LPAR1: variants seen among roughly 807,000 people sequenced by gnomAD.
The protein encoded by LPAR1 is LPA receptor 1.
Under a neutral mutation model 23.8 loss-of-function variants are expected in LPAR1, and 5 were observed. That is an observed-to-expected ratio of 0.21 (90% CI 0.11 to 0.44). LPAR1 has a LOEUF of 0.44. Among genes scored for constraint, LPAR1 ranks in the 20% least tolerant of loss-of-function variants. LPAR1 has a pLI of 0.99. For synonymous variants in LPAR1, 160 were observed against 164.7 expected (o/e 0.97, Z 0.22); for missense variants, 311 against 482.8 (o/e 0.64, Z 3.33).
At chr9:110,878,520 T>G (rs2044083033) in intron 5 of LPAR1, among the ~76,000 whole-genome samples, 1 of 152,248 alleles carries the variant, frequency 6.6e-6, no homozygotes, top group East Asian at 1.9e-4. Context: ...TTCAATCAGG[T>G]TACAGGACTT....
rs1203852305 is a variant in LPAR1 at position 110,926,350 on chromosome 9, AG to A, written c.793+15070del. Among the ~76,000 whole-genome samples, 3 of 152,238 alleles carry A rather than the reference AG, an allele frequency of 2.0e-5. No homozygotes were observed. In the East Asian group the frequency reaches 5.8e-4, roughly 29 times the overall value. On this transcript the variant is annotated intron_variant, in intron 5 of 5. Transcript: ENST00000683809. ...GATTGATTTACCCTTTTTCTACAAA[AG>A]TTTCCATGCAGACACATACAATTGT...
intron 2 of LPAR1, among the ~76,000 whole-genome samples, chr9:111,024,555 CACACACATATAT>C (rs2097648461): frequency 2.9e-5 from 1 of 34,028 alleles, no homozygotes; most frequent in Non-Finnish European, 6.9e-5. Context: ...TATATATATA[CACACACATATAT>C]ATACACACAC....
intron 2 of LPAR1, among the ~76,000 whole-genome samples, chr9:110,987,567 G>T (rs982351236): frequency 6.6e-6 from 1 of 151,302 alleles, no homozygotes; most frequent in Non-Finnish European, 1.5e-5. Context: ...AAACTCTTTC[G>T]CTATTGCAAG....
chr9:110,982,790 C>A (rs1016827202), intron 2 of LPAR1, among the ~76,000 whole-genome samples: 1 of 150,532 alleles, frequency 6.6e-6, no homozygotes, highest in Admixed American at 6.7e-5. Context: ...TCAAAAACAA[C>A]AAACCAACAA....
At chr9:111,002,205 C>T (rs376190971) in intron 2 of LPAR1, among the ~76,000 whole-genome samples, 4 of 152,114 alleles carry the variant, frequency 2.6e-5, no homozygotes, top group Non-Finnish European at 5.9e-5. Context: ...ATAACAACTA[C>T]GCAGGAACAT....
intron 2 of LPAR1, among the ~76,000 whole-genome samples, chr9:110,986,693 G>A (rs1459437197): frequency 1.3e-5 from 2 of 151,770 alleles, no homozygotes; most frequent in African/African-American, 4.9e-5. Flanking sequence ...TGGAAACAAA[G>A]TGTCGAAATA....
intron 2 of LPAR1, among the ~76,000 whole-genome samples, chr9:111,035,791 TTC>T (rs1564401723): frequency 1.3e-5 from 2 of 152,264 alleles, no homozygotes; most frequent in East Asian, 3.9e-4. Flanking sequence ...ATTCTGAAAG[TTC>T]TGTTATCTGC....
intron 5 of LPAR1, among the ~76,000 whole-genome samples, chr9:110,884,045 C>A (rs75542737): frequency 0.018 from 2,702 of 150,282 alleles, 35 homozygotes; most frequent in Non-Finnish European, 0.028. Flanking sequence ...ACACTGTCTT[C>A]TAGTATTTAG....
intron 5 of LPAR1, among the ~76,000 whole-genome samples, chr9:110,924,165 A>G (rs902588391): frequency 6.6e-6 from 1 of 152,068 alleles, no homozygotes; most frequent in Non-Finnish European, 1.5e-5. Context: ...ACATTTAACA[A>G]TAAGTCATTA....
chr9:111,000,054 C>T (rs1442456045), intron 2 of LPAR1, among the ~76,000 whole-genome samples: 5 of 152,074 alleles, frequency 3.3e-5, no homozygotes, highest in African/African-American at 9.7e-5. Flanking sequence ...TTCATGAGGG[C>T]GGAGCCCTTA....
chr9:110,940,719 A>G (rs943193075), intron 5 of LPAR1, among the ~76,000 whole-genome samples: 4 of 152,240 alleles, frequency 2.6e-5, no homozygotes, highest in African/African-American at 7.2e-5. Context: ...TTCTACACAC[A>G]TAAGTGAATA....
At chr9:110,925,140 T>C (rs1190757592) in intron 5 of LPAR1, among the ~76,000 whole-genome samples, 2 of 152,106 alleles carry the variant, frequency 1.3e-5, no homozygotes, top group African/African-American at 4.8e-5. Context: ...ATAGTTGCAG[T>C]GCTCTTTATG....
At chr9:110,875,859 T>A in intron 5 of LPAR1, 137 bp from the exon 6 acceptor site, 1 of 476,058 alleles carries the variant, frequency 2.1e-6, no homozygotes. Context: ...TTGTCGCAAA[T>A]GAAATACTCA....
intron 5 of LPAR1, among the ~76,000 whole-genome samples, chr9:110,889,170 G>C (rs1205832938): frequency 6.6e-6 from 1 of 152,102 alleles, no homozygotes; most frequent in African/African-American, 2.4e-5. Flanking sequence ...GACCATCCTG[G>C]CTAACAAGGT....
At chr9:110,991,578 TTTTG>T (rs1554724286) in intron 2 of LPAR1, among the ~76,000 whole-genome samples, 1 of 68,894 alleles carries the variant, frequency 1.5e-5, no homozygotes, top group African/African-American at 5.4e-5. Flanking sequence ...TTCTGGTTTG[TTTTG>T]TTGTTGTTGT....
chr9:110,943,266 T>C lies in LPAR1; in HGVS notation c.46-1098A>G, dbSNP rs553723187. 5.9e-5 allele frequency among the ~76,000 whole-genome samples: 9 copies of C among 151,514 alleles called. No homozygotes were observed. In the East Asian group the frequency reaches 1.2e-3, roughly 20 times the overall value. On this transcript the variant is annotated intron_variant, in intron 4 of 5. Transcript: ENST00000683809. ...GGGACCCCTAAAATTAAAAAATATATCTTGAAGACGGTTCACATTCTACTT... is the reference window on the plus strand; with the variant it reads ...GGGACCCCTAAAATTAAAAAATATACCTTGAAGACGGTTCACATTCTACTT...
At chr9:110,952,387 A>C (rs888089581) in intron 4 of LPAR1, among the ~76,000 whole-genome samples, 1 of 151,430 alleles carries the variant, frequency 6.6e-6, no homozygotes, top group Non-Finnish European at 1.5e-5. Context: ...GCCAATTCCC[A>C]CCTTCCCCCT....
chr9:110,880,859 G>A (rs572736627), intron 5 of LPAR1, among the ~76,000 whole-genome samples: 19 of 152,288 alleles, frequency 1.2e-4, no homozygotes, highest in African/African-American at 4.6e-4. Flanking sequence ...GTTCATCTCT[G>A]TAGTTACGTT....
chr9:110,900,970 G>T (rs1209274259), intron 5 of LPAR1, among the ~76,000 whole-genome samples: 1 of 152,138 alleles, frequency 6.6e-6, no homozygotes, highest in Non-Finnish European at 1.5e-5. Context: ...TAATTATCGT[G>T]CTGAAATGTT....
Sources: gnomAD v4.1 joint callset for allele counts (sites outside exome capture counted in the v4.1 genomes callset) on GRCh38, gnomAD v4.1.1 for gene constraint, MANE v1.5 for transcripts, NCBI Gene and HGNC (gene_info 2026-07-23, HGNC 2026-07-21) for gene names.